The following GALNT13 variants were observed in gnomAD, a reference collection of about 807,000 sequenced individuals.
GALNT13 encodes the protein UDP-GalNAc:polypeptide N-acetylgalactosaminyltransferase 13.
A neutral mutation model predicts 64.2 loss-of-function variants in GALNT13; 28 were observed. The ratio of observed to expected loss-of-function variants is 0.44; its 90% CI spans 0.32 to 0.60. The LOEUF is 0.60. GALNT13 is among the 20% of genes least tolerant of loss of function. The probability of loss-of-function intolerance (pLI) is 0.05; values close to 1 mark genes in which losing one functional copy is unlikely to be tolerated. For missense variants in GALNT13, 577 were observed against 669.8 expected (o/e 0.86, Z 1.53); for synonymous variants, 214 against 224.6 (o/e 0.95, Z 0.42).
the GALNT13 span, among the ~76,000 whole-genome samples, chr2:153,251,219 C>T: frequency 3.3e-5 from 5 of 152,070 alleles, no homozygotes; most frequent in African/African-American, 1.2e-4. Flanking sequence ...GTATATGTTA[C>T]AAAATTATGG....
the GALNT13 span, among the ~76,000 whole-genome samples, chr2:153,529,825 G>C: frequency 6.6e-6 from 1 of 152,006 alleles, no homozygotes; most frequent in Admixed American, 6.6e-5. Flanking sequence ...TTGAATTGAT[G>C]CTGAAAAAGC....
the GALNT13 span, among the ~76,000 whole-genome samples, chr2:153,368,064 C>G: frequency 6.6e-6 from 1 of 151,980 alleles, no homozygotes. Context: ...AAAAGACCCA[C>G]CATAAATATA....
At chr2:153,752,573 C>T in the GALNT13 span, among the ~76,000 whole-genome samples, 1 of 152,136 alleles carries the variant, frequency 6.6e-6, no homozygotes, top group Non-Finnish European at 1.5e-5. Flanking sequence ...CACTCTCTCT[C>T]TTCTGGCCTG....
chr2:153,945,864 T>C lies in GALNT13; in HGVS notation c.142+1225T>C, dbSNP rs1691700512. On this transcript the variant is annotated intron_variant, in intron 3 of 12. Transcript: ENST00000392825. ...ATTCTGAATCTTCTGAATCGCTTCC[T>C]TGTCTTTTAAAATGGAACTTGCATT... Among the ~76,000 whole-genome samples the C allele has an allele frequency of 2.6e-5, 4 of 152,194 alleles. No individual in the cohort carries two copies. In the South Asian group the frequency reaches 8.3e-4, roughly 31 times the overall value.
At chr2:153,785,893 C>T in the GALNT13 span, among the ~76,000 whole-genome samples, 1 of 152,136 alleles carries the variant, frequency 6.6e-6, no homozygotes, top group Non-Finnish European at 1.5e-5. Context: ...TCCTGACCTC[C>T]AGCACAGAGC....
At chr2:154,115,290 C>A (rs1005816750) in intron 3 of GALNT13, among the ~76,000 whole-genome samples, 4 of 152,060 alleles carry the variant, frequency 2.6e-5, no homozygotes, top group African/African-American at 9.6e-5. Context: ...TTATTTTTAT[C>A]TATTTTTATT....
At chr2:153,096,991 G>A in the GALNT13 span, among the ~76,000 whole-genome samples, 2 of 151,620 alleles carry the variant, frequency 1.3e-5, no homozygotes, top group Non-Finnish European at 1.5e-5. Context: ...ATTTTCTCTG[G>A]TGATATGATT....
At chr2:153,673,866 A>G in the GALNT13 span, among the ~76,000 whole-genome samples, 2 of 152,352 alleles carry the variant, frequency 1.3e-5, no homozygotes, top group Non-Finnish European at 2.9e-5. Context: ...CTCAGGATAC[A>G]GAATCACTGT....
At chr2:154,223,960 T>C (rs780212472) in intron 4 of GALNT13, among the ~76,000 whole-genome samples, 7 of 152,144 alleles carry the variant, frequency 4.6e-5, no homozygotes, top group Admixed American at 6.6e-5. Context: ...ACTTCAGTTA[T>C]TCATTGCACT....
At chr2:154,278,356 A>G (rs1691772785) in intron 8 of GALNT13, among the ~76,000 whole-genome samples, 2 of 152,170 alleles carry the variant, frequency 1.3e-5, no homozygotes, top group Non-Finnish European at 2.9e-5. Flanking sequence ...AGGAACTGCA[A>G]GATTTCTTTT....
chr2:153,817,999 A>T, the GALNT13 span, among the ~76,000 whole-genome samples: 4 of 152,142 alleles, frequency 2.6e-5, no homozygotes, highest in African/African-American at 7.2e-5. Context: ...CAGGTGTATC[A>T]TCTAAGAGAT....
chr2:153,486,183 G>A, the GALNT13 span, among the ~76,000 whole-genome samples: 1 of 152,058 alleles, frequency 6.6e-6, no homozygotes, highest in South Asian at 2.1e-4. Flanking sequence ...TGATCCACCT[G>A]CCTCGGCCTC....
Position 154,159,354 on chromosome 2 carries a change from C to T in GALNT13, c.311+18849C>T, listed in dbSNP as rs183675886. Among the ~76,000 whole-genome samples the T allele has an allele frequency of 6.6e-5, 10 of 152,106 alleles. No individual in the cohort carries two copies. In the East Asian group the frequency reaches 1.7e-3, roughly 27 times the overall value. ...TTCACCATGTTGGCCAGGCTGGTCTCGAACTCCTGACCTCAAGTGATCCAC... is the reference window on the plus strand; with the variant it reads ...TTCACCATGTTGGCCAGGCTGGTCTTGAACTCCTGACCTCAAGTGATCCAC... On this transcript the variant is annotated intron_variant, in intron 4 of 12. Transcript: ENST00000392825.
At chr2:154,362,427 T>C (rs1290135069) in intron 9 of GALNT13, among the ~76,000 whole-genome samples, 5 of 152,070 alleles carry the variant, frequency 3.3e-5, no homozygotes, top group Non-Finnish European at 2.9e-5. Flanking sequence ...CTTTCATCTT[T>C]TCCTCTCTCT....
intron 11 of GALNT13, among the ~76,000 whole-genome samples, chr2:154,420,863 G>A (rs531398292): frequency 3.3e-5 from 5 of 151,966 alleles, no homozygotes; most frequent in Non-Finnish European, 7.4e-5. Flanking sequence ...TTATATTCTT[G>A]AGAAGCCAAG....
intron 12 of GALNT13, chr2:154,445,999 A>G (rs564566896): frequency 4.4e-5 from 17 of 385,354 alleles, no homozygotes; most frequent in East Asian, 2.2e-4. Flanking sequence ...TTCATTATCT[A>G]CCTTTCTAAT....
At chr2:153,646,833 T>C in the GALNT13 span, among the ~76,000 whole-genome samples, 3 of 152,206 alleles carry the variant, frequency 2.0e-5, no homozygotes, top group African/African-American at 7.2e-5. Context: ...ATGGTGTATA[T>C]GTGCCACATT....
the GALNT13 span, among the ~76,000 whole-genome samples, chr2:153,507,640 A>G: frequency 6.6e-6 from 1 of 152,086 alleles, no homozygotes; most frequent in South Asian, 2.1e-4. Context: ...GATTAGCTTA[A>G]TAATTGACCT....
At chr2:154,366,180 C>T (rs1559115878) in intron 9 of GALNT13, among the ~76,000 whole-genome samples, 1 of 152,086 alleles carries the variant, frequency 6.6e-6, no homozygotes, top group Non-Finnish European at 1.5e-5. Context: ...CTCTTTTCTT[C>T]TTCCTTACCC....
Sources: allele counts gnomAD v4.1 joint callset (sites outside exome capture counted in the v4.1 genomes callset), GRCh38; gene constraint gnomAD v4.1.1; transcripts MANE v1.5; gene names NCBI Gene and HGNC (gene_info 2026-07-23, HGNC 2026-07-21).